The following MYO1D variants were observed in gnomAD, a reference collection of about 807,000 sequenced individuals.
The protein encoded by MYO1D is unconventional myosin-Id.
In MYO1D, 83 loss-of-function variants were observed where a neutral mutation model predicts 122.0. The observed-to-expected ratio is 0.68, with a 90% CI of 0.57 to 0.82. The LOEUF (loss-of-function observed/expected upper bound fraction) is 0.82. Ranked by LOEUF, MYO1D falls within the 40% of genes least tolerant of loss-of-function variation. MYO1D has a pLI of 0.00. For missense variants in MYO1D, 1,157 were observed against 1,269.5 expected (o/e 0.91, Z 1.35); for synonymous variants, 464 against 446.9 (o/e 1.04, Z -0.48).
At chr17:32,551,584 ACG>A (rs996193534) in intron 21 of MYO1D, among the ~76,000 whole-genome samples, 1 of 149,738 alleles carries the variant, frequency 6.7e-6, no homozygotes, top group African/African-American at 2.5e-5. Flanking sequence ...ACACACACAC[ACG>A]CATCCAGGTG....
At chr17:32,809,134 TAA>T (rs371101816) in intron 1 of MYO1D, among the ~76,000 whole-genome samples, 5 of 134,564 alleles carry the variant, frequency 3.7e-5, no homozygotes, top group African/African-American at 5.4e-5. Flanking sequence ...TTGTTTTTGA[TAA>T]AAAAAAAAAA....
chr17:32,724,689 C>A (rs1352321693), intron 14 of MYO1D, among the ~76,000 whole-genome samples: 4 of 152,106 alleles, frequency 2.6e-5, no homozygotes, highest in African/African-American at 4.8e-5. Flanking sequence ...CACAGGTAAA[C>A]CCCTCTCACT....
chr17:32,794,812 A>G (rs2090396145), intron 1 of MYO1D, among the ~76,000 whole-genome samples: 1 of 152,108 alleles, frequency 6.6e-6, no homozygotes, highest in Non-Finnish European at 1.5e-5. Context: ...CCAAGGGTGG[A>G]GCTTTAAGTA....
intron 16 of MYO1D, among the ~76,000 whole-genome samples, chr17:32,701,896 T>A (rs2089253036): frequency 1.3e-5 from 2 of 152,250 alleles, no homozygotes; most frequent in South Asian, 4.1e-4. Flanking sequence ...ACAACTGGAA[T>A]AGATGACTAC....
At chr17:32,503,794 C>A (rs1053631816) in intron 21 of MYO1D, among the ~76,000 whole-genome samples, 2 of 152,232 alleles carry the variant, frequency 1.3e-5, no homozygotes, top group Admixed American at 1.3e-4. Flanking sequence ...ACTGGAGCAT[C>A]AGGAGCTCAT....
chr17:32,551,441 A>G (rs923749441), intron 21 of MYO1D, among the ~76,000 whole-genome samples: 1 of 152,146 alleles, frequency 6.6e-6, no homozygotes, highest in Non-Finnish European at 1.5e-5. Flanking sequence ...TATATCCTGA[A>G]AGCACCACCT....
chr17:32,817,468 A>G (rs987553107), intron 1 of MYO1D, among the ~76,000 whole-genome samples: 3 of 152,302 alleles, frequency 2.0e-5, no homozygotes, highest in Admixed American at 2.0e-4. Flanking sequence ...AATATTTTAC[A>G]CTCATAAAAT....
chr17:32,720,877 A>G (rs1156883578), intron 15 of MYO1D, 146 bp downstream of exon 15: 6 of 862,740 alleles, frequency 7.0e-6, no homozygotes, highest in Admixed American at 5.9e-5. Context: ...GAAACTGGGA[A>G]AGTCTTTCAT....
intron 21 of MYO1D, among the ~76,000 whole-genome samples, chr17:32,517,560 A>T (rs777487428): frequency 6.6e-6 from 1 of 152,122 alleles, no homozygotes; most frequent in Non-Finnish European, 1.5e-5. Flanking sequence ...CTCTGCTTCA[A>T]TTGGTCTGCC....
At chr17:32,730,684 T>C (rs1567614627) in intron 14 of MYO1D, among the ~76,000 whole-genome samples, 3 of 152,172 alleles carry the variant, frequency 2.0e-5, no homozygotes. Flanking sequence ...TTTTAAGATA[T>C]TTTCTTTGTC....
intron 10 of MYO1D, among the ~76,000 whole-genome samples, chr17:32,759,587 A>G (rs1040266134): frequency 2.6e-5 from 4 of 152,214 alleles, no homozygotes; most frequent in African/African-American, 9.6e-5. Flanking sequence ...AACTTACAAG[A>G]AAAATTACTA....
chr17:32,854,628 T>G (rs535803697), intron 1 of MYO1D, among the ~76,000 whole-genome samples: 1 of 152,352 alleles, frequency 6.6e-6, no homozygotes, highest in African/African-American at 2.4e-5. Context: ...TTGTACTCCC[T>G]GTACACAGAC....
chr17:32,783,699 C>T, intron 1 of MYO1D, among the ~76,000 whole-genome samples: 1 of 152,164 alleles, frequency 6.6e-6, no homozygotes, highest in Non-Finnish European at 1.5e-5. Flanking sequence ...TCTTAAAAAT[C>T]ACCACTAGGT....
intron 21 of MYO1D, among the ~76,000 whole-genome samples, chr17:32,531,041 T>C (rs896290102): frequency 6.6e-6 from 1 of 152,148 alleles, no homozygotes; most frequent in Non-Finnish European, 1.5e-5. Flanking sequence ...CCCAGGGTGG[T>C]GCTGCCCAGC....
At position 32,548,517 on chromosome 17, in the gene MYO1D, T is replaced by C. The variant is rs2086984305; in HGVS notation, c.2865-53602A>G. Among the ~76,000 whole-genome samples the C allele has an allele frequency of 2.0e-5, 3 of 148,772 alleles. No individual in the cohort carries two copies. The South Asian group carries it at 6.6e-4, about 33-fold the overall frequency. On this transcript the variant is annotated intron_variant, in intron 21 of 21. Transcript: ENST00000318217. ...GAGAAGGGGCCTAATAAGAAGGAGT[T>C]AGAGCTAGGTTAAGAGCTGTCTGAG...
chr17:32,831,760 G>A (rs1437809359), intron 1 of MYO1D, among the ~76,000 whole-genome samples: 1 of 152,156 alleles, frequency 6.6e-6, no homozygotes, highest in Admixed American at 6.5e-5. Flanking sequence ...AAATGCTGGG[G>A]TGTTTGTACT....
chr17:32,800,298 AAC>A (rs2090450043), intron 1 of MYO1D, among the ~76,000 whole-genome samples: 1 of 152,230 alleles, frequency 6.6e-6, no homozygotes, highest in Admixed American at 6.5e-5. Context: ...AGTTTTCATC[AAC>A]AGAGGAATAG....
chr17:32,787,405 C>T (rs935996289), intron 1 of MYO1D, among the ~76,000 whole-genome samples: 8 of 150,102 alleles, frequency 5.3e-5, no homozygotes, highest in African/African-American at 2.0e-4. Flanking sequence ...CAGTGTACAC[C>T]GTACCAGGTA....
intron 1 of MYO1D, among the ~76,000 whole-genome samples, chr17:32,783,956 C>G (rs781311853): frequency 1.2e-4 from 18 of 152,212 alleles, no homozygotes; most frequent in Non-Finnish European, 1.9e-4. Context: ...CTACTTTGTG[C>G]CAGATACCGG....
Sources: gnomAD v4.1 joint callset for allele counts (sites outside exome capture counted in the v4.1 genomes callset) on GRCh38, gnomAD v4.1.1 for gene constraint, MANE v1.5 for transcripts, NCBI Gene and HGNC (gene_info 2026-07-23, HGNC 2026-07-21) for gene names.